Variants in TAP1 observed in about 807,000 individuals in gnomAD.
TAP1 encodes the protein antigen peptide transporter 1.
TAP1 carries 56 observed loss-of-function variants against 79.3 expected under a neutral mutation model. The observed-to-expected ratio is 0.71, with a 90% CI of 0.57 to 0.88. The LOEUF is 0.88. TAP1 is among the 40% of genes least tolerant of loss of function. The pLI is 0.00. For missense variants in TAP1, 737 were observed against 936.3 expected (o/e 0.79, Z 2.78); for synonymous variants, 355 against 401.4 (o/e 0.88, Z 1.38).
chr6:32,850,157 C>A lies in TAP1; in HGVS notation c.1248+163G>T. 1.4e-6 allele frequency: 1 copy of A among 737,098 alleles called. No homozygotes were observed. The highest frequency in any genetic ancestry group is 1.5e-5 in the South Asian group (1 of 66,860). 45.7% of individuals were successfully genotyped at this position (737,098 alleles called of 1,614,324 possible). On this transcript the variant is annotated intron_variant, in intron 5 of 10. Transcript: ENST00000354258. This position sits in a 1 kb window ranked among gnomAD's most constrained non-coding sequence, Gnocchi z 5.5. ...AGCATCTTTAAAGAGAGGGAGGGGG[C>A]TAGGGACACTGAGTAGAGTCATTGA...
chr6:32,850,872 G>T lies in TAP1; in HGVS notation c.1050+72C>A. On this transcript the variant is annotated intron_variant, in intron 4 of 10. Coordinates refer to ENST00000354258, the MANE Select transcript of TAP1 (RefSeq NM_000593.6). This position sits in a 1 kb window ranked among gnomAD's most constrained non-coding sequence, Gnocchi z 5.5. ...CCAGGAAAGCTGGACTGAAAGCAAT[G>T]TGAGAGGAACTGAGTCTGCCAAGTC... 7.3e-7 allele frequency: 1 copy of T among 1,361,912 alleles called. No homozygotes were observed. Among genetic ancestry groups the T allele is most frequent in the Non-Finnish European group, 1.0e-6 (1 of 953,002 alleles). The allele number at this position is 1,361,912 out of a possible 1,614,324, so 84.4% of individuals were successfully genotyped here. A position where few individuals can be genotyped will look rare whatever the true frequency, so the allele number is the denominator to read the frequency against.
chr6:32,848,615 T>C (rs202059692), intron 7 of TAP1, 37 bp downstream of exon 7: 605 of 1,609,250 alleles, frequency 3.8e-4, no homozygotes, highest in Non-Finnish European at 4.8e-4. Context: ...AGAATTGCAG[T>C]TGGGGCCAGT....
At position 32,847,706 on chromosome 6, in the gene TAP1, A is replaced by G; in HGVS notation, c.1741-31T>C. 1.9e-6 allele frequency: 3 copies of G among 1,612,006 alleles called. No individual in the cohort carries two copies. Among genetic ancestry groups the G allele is most frequent in the Non-Finnish European group, 2.5e-6 (3 of 1,178,848 alleles). Reference sequence around the variant, plus strand: ...ATGAAATATGATGAAGAGTCATAGAACAAGGCACATGGGAGTATGGTTATC... The same window carrying G: ...ATGAAATATGATGAAGAGTCATAGAGCAAGGCACATGGGAGTATGGTTATC... On this transcript the variant is annotated intron_variant, in intron 8 of 10. Coordinates refer to ENST00000354258, the MANE Select transcript of TAP1 (RefSeq NM_000593.6). The surrounding 1 kb of genome is among the most constrained non-coding windows in gnomAD (Gnocchi z 4.7).
Position 32,852,821 on chromosome 6 carries a change from A to C in TAP1, c.598+218T>G. On this transcript the variant is annotated intron_variant, in intron 1 of 10. Transcript: ENST00000354258. This position sits in a 1 kb window ranked among gnomAD's most constrained non-coding sequence, Gnocchi z 4.8. ...TCCCCGCTTCCGGCGTGGCCCAAAGAATCAAGACCCGGTCAGCAATGGAGC... is the reference window on the plus strand; with the variant it reads ...TCCCCGCTTCCGGCGTGGCCCAAAGCATCAAGACCCGGTCAGCAATGGAGC... 1 of 1,439,890 alleles carries C rather than the reference A, an allele frequency of 6.9e-7. No homozygotes were observed. The highest frequency in any genetic ancestry group is 1.5e-5 in the South Asian group (1 of 66,006). 89.2% of individuals were successfully genotyped at this position (1,439,890 alleles called of 1,614,324 possible).
At position 32,852,033 on chromosome 6, in the gene TAP1, G is replaced by A. The variant is rs1582640635; in HGVS notation, c.844+76C>T. ...TGTGTGTGTGAGAGAGAGAGAGCGG[G>A]GAGGGGGGAGATCAAAGCAGATGTA... On this transcript the variant is annotated intron_variant, in intron 3 of 10. Transcript: ENST00000354258. This position sits in a 1 kb window ranked among gnomAD's most constrained non-coding sequence, Gnocchi z 4.8. The A allele has an allele frequency of 6.3e-7, 1 of 1,590,600 alleles. No individual in the cohort carries two copies. Among genetic ancestry groups the A allele is most frequent in the Non-Finnish European group, 8.6e-7 (1 of 1,161,822 alleles).
intron 7 of TAP1, 51 bp downstream of exon 7, chr6:32,848,584 AGGAAGAAAATTTAGGAT>A: frequency 1.3e-6 from 2 of 1,552,096 alleles, no homozygotes; most frequent in Non-Finnish European, 1.8e-6. Flanking sequence ...GGCTGAAGGC[AGGAAGAAAATTTAGGAT>A]GGCAGAATTG....
At chr6:32,846,042 T>C (rs1486523729) in intron 10 of TAP1, 5 of 577,670 alleles carry the variant, frequency 8.7e-6, no homozygotes, top group Admixed American at 3.0e-5. Flanking sequence ...ATAAAGACTA[T>C]TGAATAGTCC....
At position 32,851,056 on chromosome 6, in the gene TAP1, C is replaced by T. The variant is rs1286680071; in HGVS notation, c.938G>A (p.Gly313Asp). The T allele has an allele frequency of 1.9e-6, 3 of 1,612,832 alleles. No homozygotes were observed. Among genetic ancestry groups the T allele is most frequent in the Non-Finnish European group, 2.5e-6 (3 of 1,180,004 alleles). ...LSLFLWYLVR[G>D]LCLLGIMLWG... ...GAGCATGATCCCCAAGAGACATAGG[C>T]CTCGCACCAGGTACCACAGAAATAA... The change falls in exon 4 of 11, where the codon GGC (glycine) becomes GAC (aspartate). Residue 313 changes from glycine to aspartate, a missense_variant. Coordinates refer to ENST00000354258, the MANE Select transcript of TAP1 (RefSeq NM_000593.6). This position sits in a 1 kb window ranked among gnomAD's most constrained non-coding sequence, Gnocchi z 4.8.
Position 32,850,171 on chromosome 6 carries a change from T to C in TAP1, c.1248+149A>G. 1 of 750,778 alleles carries C rather than the reference T, an allele frequency of 1.3e-6. No individual in the cohort carries two copies. Among genetic ancestry groups the C allele is most frequent in the South Asian group, 1.5e-5 (1 of 67,382 alleles). 46.5% of individuals were successfully genotyped at this position (750,778 alleles called of 1,614,324 possible). On this transcript the variant is annotated intron_variant, in intron 5 of 10. Coordinates refer to ENST00000354258, the MANE Select transcript of TAP1 (RefSeq NM_000593.6). This position sits in a 1 kb window ranked among gnomAD's most constrained non-coding sequence, Gnocchi z 5.5. Reference sequence around the variant, plus strand: ...GAGGGAGGGGGCTAGGGACACTGAGTAGAGTCATTGAGCCTCAGGTTGCTA... The same window carrying C: ...GAGGGAGGGGGCTAGGGACACTGAGCAGAGTCATTGAGCCTCAGGTTGCTA...
intron 5 of TAP1, chr6:32,849,391 C>G: frequency 1.8e-6 from 1 of 557,912 alleles, no homozygotes; most frequent in South Asian, 2.0e-5. Context: ...CATGTGATGT[C>G]AGCTAATACA....
At position 32,853,142 on chromosome 6, in the gene TAP1, A is replaced by T; in HGVS notation, c.495T>A (p.Gly165=). 1 of 1,612,598 alleles carries T rather than the reference A, an allele frequency of 6.2e-7. No individual in the cohort carries two copies. The highest frequency in any genetic ancestry group is 8.5e-7 in the Non-Finnish European group (1 of 1,179,886). ...HKLGSLWVPG[G]QGGSGNPVRR... is the part of the protein sequence containing the mutation. ...GCACAGGGTTTCCAGAGCCGCCCTG[A>T]CCGCCGGGCACCCAGAGGCTCCCGA... The change falls in exon 1 of 11, where the codon GGT becomes GGA. Residue 165 remains glycine (G), a synonymous_variant. Coordinates refer to ENST00000354258, the MANE Select transcript of TAP1 (RefSeq NM_000593.6). The surrounding 1 kb of genome is among the most constrained non-coding windows in gnomAD (Gnocchi z 8.3).
Position 32,847,614 on chromosome 6 carries a change from T to C in TAP1, c.1802A>G (p.Tyr601Cys). The change falls in exon 9 of 11, where the codon TAT (tyrosine) becomes TGT (cysteine). Residue 601 changes from tyrosine (Y) to cysteine (C), a missense_variant. Transcript: ENST00000354258. The surrounding 1 kb of genome is among the most constrained non-coding windows in gnomAD (Gnocchi z 4.7). The part of the protein sequence containing the change: ...FGRSLQENIA[Y>C]GLTQKPTMEE... ...CATAGTTGGCTTCTGGGTCAGGCCATAGGCAATATTTTCTTGAAGACTTCT... is the reference window on the plus strand; with the variant it reads ...CATAGTTGGCTTCTGGGTCAGGCCACAGGCAATATTTTCTTGAAGACTTCT... 6.2e-7 allele frequency: 1 copy of C among 1,614,018 alleles called. No homozygotes were observed. Among genetic ancestry groups the C allele is most frequent in the Non-Finnish European group, 8.5e-7 (1 of 1,180,016 alleles).
At position 32,845,842 on chromosome 6, in the gene TAP1, C is replaced by A; in HGVS notation, c.2041-57G>T. ...GGACTACCCTCAGCCCAGGGAGACA[C>A]CTGTGTTTCCAGGGCTGGGACTGAC... On this transcript the variant is annotated intron_variant, in intron 10 of 10. Transcript: ENST00000354258. This position sits in a 1 kb window ranked among gnomAD's most constrained non-coding sequence, Gnocchi z 4.5. The A allele has an allele frequency of 6.7e-7, 1 of 1,485,418 alleles. No homozygotes were observed. The highest frequency in any genetic ancestry group is 9.2e-7 in the Non-Finnish European group (1 of 1,083,160). 92.0% of individuals were successfully genotyped at this position (1,485,418 alleles called of 1,614,324 possible).
rs17213812 is a variant in TAP1, at chr6:32,847,739, C to T, written c.1741-64G>A. 96,869 of 1,595,358 alleles carry T rather than the reference C, an allele frequency of 0.061. 3,832 individuals carry two copies. The highest frequency in any genetic ancestry group is 0.17 in the African/African-American group (12,895 of 74,624). On this transcript the variant is annotated intron_variant, in intron 8 of 10. Coordinates refer to ENST00000354258, the MANE Select transcript of TAP1 (RefSeq NM_000593.6). This position sits in a 1 kb window ranked among gnomAD's most constrained non-coding sequence, Gnocchi z 4.7. ...CATGGGAGTATGGTTATCTAGAGAT[C>T]GAAGACTCAAAATCTTTATTGAGAA...
In TAP1 at chr6:32,845,582, T is replaced by C; in HGVS notation, c.2244A>G (p.Glu748=). Residue 748 remains glutamate, a synonymous_variant, in exon 11 of 11, where the codon GAA becomes GAG. Coordinates refer to ENST00000354258, the MANE Select transcript of TAP1 (RefSeq NM_000593.6). This position sits in a 1 kb window ranked among gnomAD's most constrained non-coding sequence, Gnocchi z 4.5. Reference sequence around the variant, plus strand: ...GTGCGCAGGTCTGAGAAGGCTTTCATTCTGGAGCATCTGCAGGAGCCTGCA... The same window carrying C: ...GTGCGCAGGTCTGAGAAGGCTTTCACTCTGGAGCATCTGCAGGAGCCTGCA... ...AMVQAPADAP[E] The C allele has an allele frequency of 1.2e-6, 2 of 1,613,062 alleles. No individual in the cohort carries two copies. Among genetic ancestry groups the C allele is most frequent in the Admixed American group, 1.7e-5 (1 of 60,016 alleles).
chr6:32,845,849 T>C lies in TAP1; in HGVS notation c.2041-64A>G. Reference sequence around the variant, plus strand: ...CCTCAGCCCAGGGAGACACCTGTGTTTCCAGGGCTGGGACTGACCTCACAG... The same window carrying C: ...CCTCAGCCCAGGGAGACACCTGTGTCTCCAGGGCTGGGACTGACCTCACAG... On this transcript the variant is annotated intron_variant, in intron 10 of 10. Transcript: ENST00000354258. The surrounding 1 kb of genome is among the most constrained non-coding windows in gnomAD (Gnocchi z 4.5). 1 of 1,431,826 alleles carries C rather than the reference T, an allele frequency of 7.0e-7. No homozygotes were observed. The highest frequency in any genetic ancestry group is 9.6e-7 in the Non-Finnish European group (1 of 1,037,446). 88.7% of individuals were successfully genotyped at this position (1,431,826 alleles called of 1,614,324 possible). A position where few individuals can be genotyped will look rare whatever the true frequency, so the allele number is the denominator to read the frequency against.
At position 32,847,839 on chromosome 6, in the gene TAP1, C is replaced by G; in HGVS notation, c.1740+80G>C. Reference sequence around the variant, plus strand: ...CCCAAGGTCTCTTATCATTCCCTAACCCCTCTTTCAGAGTGCTCAGTAAGA... The same window carrying G: ...CCCAAGGTCTCTTATCATTCCCTAAGCCCTCTTTCAGAGTGCTCAGTAAGA... On this transcript the variant is annotated intron_variant, in intron 8 of 10. Transcript: ENST00000354258. The surrounding 1 kb of genome is among the most constrained non-coding windows in gnomAD (Gnocchi z 4.7). The G allele has an allele frequency of 6.2e-7, 1 of 1,600,758 alleles. No individual in the cohort carries two copies. The highest frequency in any genetic ancestry group is 8.6e-7 in the Non-Finnish European group (1 of 1,169,056).
Position 32,847,434 on chromosome 6 carries a change from A to G in TAP1, c.1903+79T>C. 1 of 1,595,326 alleles carries G rather than the reference A, an allele frequency of 6.3e-7. No homozygotes were observed. ...AATTGATGTCCATGAGTAAGGAGGAACTGAAGGATAAAGGCAAGACTACTG... is the reference window on the plus strand; with the variant it reads ...AATTGATGTCCATGAGTAAGGAGGAGCTGAAGGATAAAGGCAAGACTACTG... On this transcript the variant is annotated intron_variant, in intron 9 of 10. Coordinates refer to ENST00000354258, the MANE Select transcript of TAP1 (RefSeq NM_000593.6). This position sits in a 1 kb window ranked among gnomAD's most constrained non-coding sequence, Gnocchi z 4.7.
Position 32,852,001 on chromosome 6 carries a change from G to T in TAP1, c.844+108C>A. 7.0e-7 allele frequency: 1 copy of T among 1,436,066 alleles called. No homozygotes were observed. The highest frequency in any genetic ancestry group is 9.7e-7 in the Non-Finnish European group (1 of 1,028,838). 89.0% of individuals were successfully genotyped at this position (1,436,066 alleles called of 1,614,324 possible). On this transcript the variant is annotated intron_variant, in intron 3 of 10. Coordinates refer to ENST00000354258, the MANE Select transcript of TAP1 (RefSeq NM_000593.6). This position sits in a 1 kb window ranked among gnomAD's most constrained non-coding sequence, Gnocchi z 4.8. ...TATATCAAGAATGAGAAGGAACAATGTGTGTATGTGTGTGTGAGAGAGAGA... is the reference window on the plus strand; with the variant it reads ...TATATCAAGAATGAGAAGGAACAATTTGTGTATGTGTGTGTGAGAGAGAGA...
Sources: gnomAD v4.1 joint callset for allele counts on GRCh38, gnomAD v4.1.1 for gene constraint, Gnocchi (gnomAD v3.1) non-coding constraint, MANE v1.5 for transcripts, NCBI Gene and HGNC (gene_info 2026-07-23, HGNC 2026-07-21) for gene names.